The following ATRNL1 variants were observed in gnomAD, a reference collection of about 807,000 sequenced individuals.
ATRNL1 encodes the protein attractin-like protein 1.
ATRNL1 carries 95 observed loss-of-function variants against 182.7 expected under a neutral mutation model. The observed-to-expected ratio is 0.52, with a 90% confidence interval of 0.44 to 0.62. The LOEUF (loss-of-function observed/expected upper bound fraction) is 0.62, where lower values mean the gene tolerates loss of function less well. Ranked by LOEUF, ATRNL1 falls within the 20% of genes least tolerant of loss-of-function variation. ATRNL1 has a pLI of 0.00. For synonymous variants in ATRNL1, 576 were observed against 568.3 expected (o/e 1.01, Z -0.19); for missense variants, 1,471 against 1,679.5 (o/e 0.88, Z 2.17).
chr10:115,105,619 G>A (rs1471573938), intron 1 of ATRNL1, among the ~76,000 whole-genome samples: 1 of 152,222 alleles, frequency 6.6e-6, no homozygotes, highest in African/African-American at 2.4e-5. Context: ...CAGGGTTCCT[G>A]TGCTGTATGC....
intron 25 of ATRNL1, among the ~76,000 whole-genome samples, chr10:115,538,247 G>A (rs1554991039): frequency 1.3e-5 from 2 of 152,196 alleles, no homozygotes. Context: ...CAGGGTGGAT[G>A]TATATTCATC....
intron 28 of ATRNL1, among the ~76,000 whole-genome samples, chr10:115,899,942 C>T (rs1952309724): frequency 6.6e-6 from 1 of 152,044 alleles, no homozygotes. Context: ...GATTATAGAG[C>T]CAAGACTAGC....
chr10:115,471,417 T>C (rs1554972102), intron 24 of ATRNL1, among the ~76,000 whole-genome samples: 2 of 150,802 alleles, frequency 1.3e-5, no homozygotes, highest in Non-Finnish European at 3.0e-5. Context: ...GGGGGAATCT[T>C]CATACGGCTT....
At chr10:115,238,786 A>C (rs548035644) in intron 9 of ATRNL1, among the ~76,000 whole-genome samples, 1 of 152,302 alleles carries the variant, frequency 6.6e-6, no homozygotes, top group South Asian at 2.1e-4. Flanking sequence ...TAAAATGTTG[A>C]ATAGAAATGG....
At chr10:115,573,595 C>A (rs541247454) in intron 26 of ATRNL1, among the ~76,000 whole-genome samples, 1 of 152,156 alleles carries the variant, frequency 6.6e-6, no homozygotes, top group East Asian at 1.9e-4. Flanking sequence ...CCTCTTCTAC[C>A]CAGTATTTCC....
chr10:115,505,539 G>A (rs1159721344), intron 24 of ATRNL1, among the ~76,000 whole-genome samples: 1 of 151,860 alleles, frequency 6.6e-6, no homozygotes, highest in Non-Finnish European at 1.5e-5. Flanking sequence ...TCCCCAAAAG[G>A]GAGCTAGGTA....
intron 21 of ATRNL1, among the ~76,000 whole-genome samples, chr10:115,430,551 T>C (rs997997449): frequency 5.9e-5 from 9 of 152,212 alleles, no homozygotes; most frequent in African/African-American, 2.2e-4. Flanking sequence ...CTGCCTGTTA[T>C]ATAGGTAAAT....
intron 7 of ATRNL1, among the ~76,000 whole-genome samples, chr10:115,170,140 C>G (rs1847231829): frequency 6.6e-6 from 1 of 152,100 alleles, no homozygotes; most frequent in South Asian, 2.1e-4. Context: ...AGTTTTTGCT[C>G]TAGCTGGAAC....
intron 28 of ATRNL1, among the ~76,000 whole-genome samples, chr10:115,852,704 A>T (rs1259117792): frequency 1.3e-5 from 2 of 152,196 alleles, no homozygotes; most frequent in South Asian, 2.1e-4. Context: ...ATACTGGGGC[A>T]TAGCCCTTAT....
chr10:115,416,239 C>G (rs1450793677), intron 20 of ATRNL1, among the ~76,000 whole-genome samples: 6 of 151,840 alleles, frequency 4.0e-5, no homozygotes, highest in Non-Finnish European at 4.4e-5. Context: ...AGTTTCATAC[C>G]CAAAATCATA....
At chr10:115,669,080 C>T (rs972586887) in intron 26 of ATRNL1, among the ~76,000 whole-genome samples, 20 of 152,078 alleles carry the variant, frequency 1.3e-4, no homozygotes, top group African/African-American at 4.3e-4. Flanking sequence ...AAATATCTGA[C>T]ACCACATTGT....
rs560617826 is a variant in ATRNL1, at chr10:115,522,810, A to G, written c.3716+3486A>G. ...AATATTGAGTAAACATCTCATTCCAAAAGGGAGAAACTGGTCAAAATATAG... is the reference window on the plus strand; with the variant it reads ...AATATTGAGTAAACATCTCATTCCAGAAGGGAGAAACTGGTCAAAATATAG... On this transcript the variant is annotated intron_variant, in intron 25 of 28. Transcript: ENST00000355044. Among the ~76,000 whole-genome samples the G allele has an allele frequency of 1.1e-4, 17 of 152,286 alleles. No individual in the cohort carries two copies. In the South Asian group the frequency reaches 3.3e-3, roughly 30 times the overall value.
intron 28 of ATRNL1, among the ~76,000 whole-genome samples, chr10:115,932,563 T>A (rs1457489615): frequency 6.6e-6 from 1 of 152,178 alleles, no homozygotes; most frequent in Non-Finnish European, 1.5e-5. Context: ...GAAGTGAGTG[T>A]TTGCATAATT....
At chr10:115,316,333 C>T (rs1029372965) in intron 18 of ATRNL1, among the ~76,000 whole-genome samples, 1 of 152,104 alleles carries the variant, frequency 6.6e-6, no homozygotes, top group Non-Finnish European at 1.5e-5. Context: ...GTATACGAAC[C>T]ACATTTTCTA....
chr10:115,521,316 C>T (rs1850922333), intron 25 of ATRNL1, among the ~76,000 whole-genome samples: 1 of 152,090 alleles, frequency 6.6e-6, no homozygotes, highest in African/African-American at 2.4e-5. Context: ...CCACGCCCAG[C>T]TAATTTTTGT....
chr10:115,710,747 A>G (rs1555054277), intron 26 of ATRNL1, among the ~76,000 whole-genome samples: 2 of 152,116 alleles, frequency 1.3e-5, no homozygotes, highest in African/African-American at 4.8e-5. Flanking sequence ...GTATTCCAAA[A>G]TGTTTACAGG....
intron 21 of ATRNL1, among the ~76,000 whole-genome samples, chr10:115,430,743 AT>A (rs11351778): frequency 0.031 from 4,778 of 152,138 alleles, 246 homozygotes; most frequent in African/African-American, 0.11. Context: ...TTGTTAAGGT[AT>A]TTTTGCCCTT....
At chr10:115,425,470 T>C (rs150529985) in intron 20 of ATRNL1, among the ~76,000 whole-genome samples, 73 of 152,154 alleles carry the variant, frequency 4.8e-4, no homozygotes, top group African/African-American at 1.7e-3. Context: ...AACCATGCTA[T>C]ATCTCTATTA....
intron 28 of ATRNL1, among the ~76,000 whole-genome samples, chr10:115,855,359 A>T (rs1391154628): frequency 6.6e-6 from 1 of 152,090 alleles, no homozygotes; most frequent in African/African-American, 2.4e-5. Flanking sequence ...CTTCCATACA[A>T]ATGTGACCTC....
Sources: allele counts gnomAD v4.1 joint callset (sites outside exome capture counted in the v4.1 genomes callset), GRCh38; gene constraint gnomAD v4.1.1; transcripts MANE v1.5; gene names NCBI Gene and HGNC (gene_info 2026-07-23, HGNC 2026-07-21).